The following CEP162 variants were observed in gnomAD, a reference collection of about 807,000 sequenced individuals.
CEP162 encodes centrosomal protein of 162 kDa.
A neutral mutation model predicts 169.2 loss-of-function variants in CEP162; 141 were observed. The ratio of observed to expected loss-of-function variants is 0.83; its 90% CI spans 0.73 to 0.96. The LOEUF (loss-of-function observed/expected upper bound fraction) is 0.96, where lower values mean the gene tolerates loss of function less well. Among genes scored for constraint, CEP162 ranks in the 40% least tolerant of loss-of-function variants. The probability of loss-of-function intolerance (pLI) is 0.00; values close to 1 mark genes in which losing one functional copy is unlikely to be tolerated. For synonymous variants in CEP162, 540 were observed against 526.4 expected, an observed-to-expected ratio of 1.03 and a Z score of -0.35; for missense variants, 1,600 against 1,587.2, an observed-to-expected ratio of 1.01 and a Z score of -0.14.
intron 3 of CEP162, among the ~76,000 whole-genome samples, chr6:84,219,845 C>T (rs2099552982): frequency 2.0e-5 from 3 of 152,136 alleles, no homozygotes; most frequent in South Asian, 2.1e-4. Flanking sequence ...CTATAGGTTA[C>T]AACTATCAAC....
chr6:84,215,914 C>T lies in CEP162; in HGVS notation c.181G>A (p.Gly61Arg), dbSNP rs866312875. 6 of 1,564,588 alleles carry T rather than the reference C, an allele frequency of 3.8e-6. No homozygotes were observed. The highest frequency in any genetic ancestry group is 5.2e-6 in the Non-Finnish European group (6 of 1,154,408). ...GTTTTCAAATAGCTCACATTTGTTC[C>T]AAGAAGTCCTAGGTACACAATTTAA... ...EDDFKDDGLLGTNVSYLKTKK... is the reference protein window; with the variant it reads ...EDDFKDDGLLRTNVSYLKTKK... Residue 61 changes from glycine to arginine, a missense_variant, in exon 4 of 27, where the codon GGA (glycine) becomes AGA (arginine). By Grantham distance (125) the Gly-to-Arg change is moderately radical. Coordinates refer to ENST00000403245, the MANE Select transcript of CEP162 (RefSeq NM_014895.4).
intron 25 of CEP162, among the ~76,000 whole-genome samples, chr6:84,142,795 T>C (rs2099517225): frequency 6.6e-6 from 1 of 152,116 alleles, no homozygotes. Context: ...AAGTACAGTA[T>C]CCATTATTCC....
At chr6:84,173,080 T>G (rs917274848) in intron 16 of CEP162, among the ~76,000 whole-genome samples, 1 of 152,308 alleles carries the variant, frequency 6.6e-6, no homozygotes, top group East Asian at 1.9e-4. Flanking sequence ...AGATTCATAT[T>G]TCTGAATATA....
chr6:84,154,192 G>A (rs1310452776), intron 22 of CEP162, among the ~76,000 whole-genome samples: 3 of 152,142 alleles, frequency 2.0e-5, no homozygotes, highest in African/African-American at 7.2e-5. Context: ...TTTAGATTTA[G>A]ATACATAAAA....
rs1054119512 is a variant in CEP162, at chr6:84,174,412, T to C, written c.2026-224A>G. ...GCTACACAATGTCATCCTCTGGGTC[T>C]ATACCTTCTATAGCAGTTCTTGCTC... is the stretch of plus-strand genomic sequence containing the variant. On this transcript the variant is annotated intron_variant, in intron 15 of 26. Transcript: ENST00000403245. Among the ~76,000 whole-genome samples, 9 of 152,252 alleles carry C rather than the reference T, an allele frequency of 5.9e-5. No individual in the cohort carries two copies. The South Asian group carries it at 1.7e-3, about 28-fold the overall frequency.
At chr6:84,218,270 A>T (rs984802123) in intron 3 of CEP162, among the ~76,000 whole-genome samples, 5 of 152,202 alleles carry the variant, frequency 3.3e-5, no homozygotes, top group Admixed American at 1.3e-4. Context: ...GGCAGGCCAC[A>T]TTTGCAGATG....
chr6:84,190,436 T>G (rs1297385504), intron 11 of CEP162, among the ~76,000 whole-genome samples: 7 of 152,192 alleles, frequency 4.6e-5, no homozygotes, highest in African/African-American at 1.7e-4. Context: ...TGTGGAAGCT[T>G]TGTTCTTTCG....
intron 10 of CEP162, among the ~76,000 whole-genome samples, chr6:84,194,241 G>C (rs2099541100): frequency 6.6e-6 from 1 of 151,860 alleles, no homozygotes; most frequent in African/African-American, 2.4e-5. Context: ...TGTAATCCCA[G>C]CTATGCAGGA....
At position 84,204,066 on chromosome 6, in the gene CEP162, T is replaced by C. The variant is rs760984592; in HGVS notation, c.602A>G (p.Tyr201Cys). Residue 201 changes from tyrosine to cysteine, a missense_variant, in exon 7 of 27, where the codon TAT becomes TGT. Physicochemically the swap from Tyr to Cys is radical, Grantham distance 194 (BLOSUM62 -2). Transcript: ENST00000403245. ...ENYSDDFEDE[Y>C]VGAPLTTKDE... Reference sequence around the variant, plus strand: ...TTTAGTAGTCAACGGTGCACCAACATACTCATCTTCAAAATCATCACTGTA... The same window carrying C: ...TTTAGTAGTCAACGGTGCACCAACACACTCATCTTCAAAATCATCACTGTA... 3.1e-5 allele frequency: 50 copies of C among 1,602,910 alleles called. No individual in the cohort carries two copies. In the East Asian group the frequency reaches 8.5e-4, roughly 27 times the overall value.
intron 19 of CEP162, among the ~76,000 whole-genome samples, chr6:84,162,328 T>C (rs927306153): frequency 6.6e-6 from 1 of 152,222 alleles, no homozygotes; most frequent in Non-Finnish European, 1.5e-5. Context: ...TTATGTTATT[T>C]ACTACAACAA....
At chr6:84,176,686 T>C (rs887620112) in intron 13 of CEP162, among the ~76,000 whole-genome samples, 24 of 152,182 alleles carry the variant, frequency 1.6e-4, no homozygotes. Flanking sequence ...AACTGGTAAA[T>C]ATAATGCAAA....
chr6:84,155,927 A>G (rs1486245087), intron 21 of CEP162, among the ~76,000 whole-genome samples: 1 of 152,194 alleles, frequency 6.6e-6, no homozygotes, highest in Admixed American at 6.5e-5. Context: ...AGCCAAAGCA[A>G]TCCTAAGCAA....
intron 25 of CEP162, 24 bp downstream of exon 25, chr6:84,146,663 C>G (rs759497539): frequency 1.8e-6 from 2 of 1,114,290 alleles, no homozygotes; most frequent in Admixed American, 2.6e-5. Context: ...CTTATTTTAG[C>G]CCAATATTTT....
chr6:84,221,180 G>A lies in CEP162; in HGVS notation c.58-9C>T, dbSNP rs892086858. The A allele has an allele frequency of 2.4e-6, 3 of 1,251,632 alleles. No individual in the cohort carries two copies. The Admixed American group carries it at 5.2e-5, about 22-fold the overall frequency. The allele number at this position is 1,251,632 out of a possible 1,614,324, so 77.5% of individuals were successfully genotyped here. ...AAAGAATCATCTGAAAGCTGAATTAGATATAAGACATTCAATTTGAAAATA... is the reference window on the plus strand; with the variant it reads ...AAAGAATCATCTGAAAGCTGAATTAAATATAAGACATTCAATTTGAAAATA... On this transcript the variant is annotated splice_polypyrimidine_tract_variant and intron_variant, in intron 2 of 26. Transcript: ENST00000403245.
At position 84,221,047 on chromosome 6, in the gene CEP162, C is replaced by T; in HGVS notation, c.172+10G>A. 1 of 1,429,870 alleles carries T rather than the reference C, an allele frequency of 7.0e-7. No homozygotes were observed. Among genetic ancestry groups the T allele is most frequent in the Non-Finnish European group, 9.8e-7 (1 of 1,017,254 alleles). The allele number at this position is 1,429,870 out of a possible 1,614,324, so 88.6% of individuals were successfully genotyped here. ...CAAATAATTTGAAACTAAAAATCAGCAACATTTACCATCATCTTTAAAATC... is the reference window on the plus strand; with the variant it reads ...CAAATAATTTGAAACTAAAAATCAGTAACATTTACCATCATCTTTAAAATC... On this transcript the variant is annotated intron_variant, in intron 3 of 26. Coordinates refer to ENST00000403245, the MANE Select transcript of CEP162 (RefSeq NM_014895.4).
At chr6:84,169,471 T>C (rs746124638) in intron 17 of CEP162, 38 bp from the exon 18 acceptor site, 16 of 1,222,342 alleles carry the variant, frequency 1.3e-5, no homozygotes, top group Non-Finnish European at 1.7e-5. Flanking sequence ...TTTTTCTTTC[T>C]TACCAGGTGC....
At chr6:84,183,803 C>T (rs576961371) in intron 13 of CEP162, among the ~76,000 whole-genome samples, 4 of 152,250 alleles carry the variant, frequency 2.6e-5, no homozygotes, top group Non-Finnish European at 5.9e-5. Flanking sequence ...TAAACAACAA[C>T]TTAATTGTTA....
At chr6:84,212,828 G>A (rs1015241546) in intron 6 of CEP162, 129 bp downstream of exon 6, 10 of 618,846 alleles carry the variant, frequency 1.6e-5, no homozygotes, top group Non-Finnish European at 1.9e-5. Context: ...TTATAACACA[G>A]GCAAACCCAC....
At chr6:84,130,069 A>G (rs2099510658) in intron 25 of CEP162, among the ~76,000 whole-genome samples, 1 of 152,188 alleles carries the variant, frequency 6.6e-6, no homozygotes, top group Non-Finnish European at 1.5e-5. Context: ...TTTTAGCATG[A>G]ACGGCTGTTG....
Sources: gnomAD v4.1 joint callset for allele counts (sites outside exome capture counted in the v4.1 genomes callset) on GRCh38, gnomAD v4.1.1 for gene constraint, MANE v1.5 for transcripts, NCBI Gene and HGNC (gene_info 2026-07-23, HGNC 2026-07-21) for gene names.